SOX5: variants seen among roughly 807,000 people sequenced by gnomAD.
The protein encoded by SOX5 is SRY-box transcription factor 5.
Under a neutral mutation model 92.0 loss-of-function variants are expected in SOX5, and 9 were observed. The ratio of observed to expected loss-of-function variants is 0.10; its 90% CI spans 0.06 to 0.17. The LOEUF (loss-of-function observed/expected upper bound fraction) is 0.17. Ranked by LOEUF, SOX5 falls within the 10% of genes least tolerant of loss-of-function variation. The pLI is 1.00. For missense variants in SOX5, 642 were observed against 944.5 expected, an observed-to-expected ratio of 0.68 and a Z score of 4.20; for synonymous variants, 344 against 336.3, an observed-to-expected ratio of 1.02 and a Z score of -0.25.
intron 6 of SOX5, among the ~76,000 whole-genome samples, chr12:23,687,876 C>CTTT (rs10632537): frequency 0.34 from 51,168 of 148,960 alleles, 8,828 homozygotes; most frequent in Non-Finnish European, 0.38. Context: ...TGCCAGTTCA[C>CTTT]TTTTTTTTTT....
intron 1 of SOX5, among the ~76,000 whole-genome samples, chr12:24,432,668 T>C (rs1043388140): frequency 1.3e-5 from 2 of 152,032 alleles, no homozygotes; most frequent in Non-Finnish European, 2.9e-5. Context: ...AAAAATTAGC[T>C]GGGTGTGGTG....
chr12:23,888,678 G>A (rs2097097281), intron 2 of SOX5, among the ~76,000 whole-genome samples: 1 of 151,984 alleles, frequency 6.6e-6, no homozygotes, highest in Non-Finnish European at 1.5e-5. Context: ...CTAGCCCTGG[G>A]GGTAATTTCC....
chr12:24,389,478 C>T (rs193001193), intron 1 of SOX5, among the ~76,000 whole-genome samples: 12 of 152,258 alleles, frequency 7.9e-5, no homozygotes, highest in African/African-American at 2.2e-4. Flanking sequence ...GTTAGGTAAA[C>T]GTATGCCATG....
At chr12:24,102,843 T>C (rs764248265) in intron 4 of SOX5, among the ~76,000 whole-genome samples, 4 of 152,230 alleles carry the variant, frequency 2.6e-5, no homozygotes, top group Non-Finnish European at 4.4e-5. Flanking sequence ...TTTATTATGT[T>C]AGAGACTCTA....
At chr12:24,163,408 A>C (rs1952999456) in intron 4 of SOX5, among the ~76,000 whole-genome samples, 1 of 151,996 alleles carries the variant, frequency 6.6e-6, no homozygotes, top group African/African-American at 2.4e-5. Context: ...TGCCAGACCT[A>C]TTTGAAGATA....
chr12:23,836,980 T>C (rs551981050), intron 3 of SOX5, among the ~76,000 whole-genome samples: 2 of 151,404 alleles, frequency 1.3e-5, no homozygotes, highest in African/African-American at 4.8e-5. Flanking sequence ...TCAGATTTAC[T>C]CCTAAGTATT....
intron 1 of SOX5, among the ~76,000 whole-genome samples, chr12:24,491,982 G>A (rs1947135911): frequency 6.6e-6 from 1 of 151,808 alleles, no homozygotes; most frequent in South Asian, 2.1e-4. Context: ...CCATTTAATT[G>A]CTTTGAGACA....
intron 4 of SOX5, among the ~76,000 whole-genome samples, chr12:23,979,381 G>A (rs1949261454): frequency 6.6e-6 from 1 of 151,836 alleles, no homozygotes; most frequent in African/African-American, 2.4e-5. Context: ...CCACCAACAT[G>A]CCCAGCTAAT....
chr12:24,256,936 T>G (rs1158462209), intron 3 of SOX5, among the ~76,000 whole-genome samples: 2 of 152,212 alleles, frequency 1.3e-5, no homozygotes, highest in Admixed American at 6.5e-5. Context: ...CAGAACAGCC[T>G]CACTGAGCTC....
intron 3 of SOX5, among the ~76,000 whole-genome samples, chr12:23,829,740 G>T (rs2096284892): frequency 6.6e-6 from 1 of 152,092 alleles, no homozygotes; most frequent in African/African-American, 2.4e-5. Flanking sequence ...TAATGTATCA[G>T]CAGGAATCAA....
intron 1 of SOX5, among the ~76,000 whole-genome samples, chr12:24,561,393 G>A (rs1335567606): frequency 6.6e-6 from 1 of 152,234 alleles, no homozygotes; most frequent in African/African-American, 2.4e-5. Flanking sequence ...TTTGCAAAGT[G>A]TAGGGAAAAT....
intron 4 of SOX5, among the ~76,000 whole-genome samples, chr12:23,970,161 T>A (rs956222388): frequency 2.0e-5 from 3 of 151,578 alleles, no homozygotes; most frequent in Non-Finnish European, 4.4e-5. Flanking sequence ...CAGTCTATCA[T>A]AAAAAAAGGA....
intron 4 of SOX5, among the ~76,000 whole-genome samples, chr12:24,123,152 C>A (rs980371116): frequency 3.9e-5 from 6 of 152,230 alleles, no homozygotes; most frequent in African/African-American, 1.4e-4. Flanking sequence ...TTCAGAGGAA[C>A]TTCCTCAGTG....
chr12:24,104,179 G>A (rs1200838057), intron 4 of SOX5, among the ~76,000 whole-genome samples: 1 of 152,076 alleles, frequency 6.6e-6, no homozygotes, highest in Non-Finnish European at 1.5e-5. Flanking sequence ...TGGAATGTAT[G>A]TCAATAATGG....
chr12:23,898,374 A>G (rs2097198099), intron 1 of SOX5, among the ~76,000 whole-genome samples: 2 of 152,156 alleles, frequency 1.3e-5, no homozygotes, highest in African/African-American at 4.8e-5. Context: ...ATAGTCTCTC[A>G]ATGTCTAAAA....
intron 1 of SOX5, among the ~76,000 whole-genome samples, chr12:24,535,922 C>T (rs1315728659): frequency 6.6e-6 from 1 of 152,094 alleles, no homozygotes; most frequent in African/African-American, 2.4e-5. Flanking sequence ...CACCCCCTCC[C>T]AGATGCCACC....
chr12:23,797,124 T>C (rs2095578281), intron 3 of SOX5, among the ~76,000 whole-genome samples: 1 of 151,794 alleles, frequency 6.6e-6, no homozygotes, highest in African/African-American at 2.4e-5. Context: ...TCAAATCATA[T>C]AACTAGAATG....
chr12:24,286,389 G>A (rs986963304), intron 2 of SOX5, among the ~76,000 whole-genome samples: 1 of 152,182 alleles, frequency 6.6e-6, no homozygotes, highest in African/African-American at 2.4e-5. Context: ...ATTAGGAGGA[G>A]AAGATACATT....
chr12:24,482,716 ACTT>A (rs752687599), intron 1 of SOX5, among the ~76,000 whole-genome samples: 36 of 152,332 alleles, frequency 2.4e-4, no homozygotes, highest in Non-Finnish European at 4.0e-4. Context: ...TTGTGATACT[ACTT>A]TTAATTTGTG....
Sources: gnomAD v4.1 joint callset for allele counts (sites outside exome capture counted in the v4.1 genomes callset) on GRCh38, gnomAD v4.1.1 for gene constraint, MANE v1.5 for transcripts, NCBI Gene and HGNC (gene_info 2026-07-23, HGNC 2026-07-21) for gene names.